Variants in CSMD3 observed in about 807,000 individuals in gnomAD.
CSMD3 encodes the protein CUB and sushi domain-containing protein 3.
A neutral mutation model predicts 435.2 loss-of-function variants in CSMD3; 177 were observed. The observed-to-expected ratio is 0.41, with a 90% confidence interval of 0.36 to 0.46. CSMD3 has a LOEUF of 0.46. Ranked by LOEUF, CSMD3 falls within the 20% of genes least tolerant of loss-of-function variation. The pLI is 0.34. For missense variants in CSMD3, 4,265 were observed against 4,504.6 expected, an observed-to-expected ratio of 0.95 and a Z score of 1.52; for synonymous variants, 1,656 against 1,520.5, an observed-to-expected ratio of 1.09 and a Z score of -2.07.
chr8:113,071,766 A>G (rs1012282026), intron 5 of CSMD3, among the ~76,000 whole-genome samples: 1 of 151,746 alleles, frequency 6.6e-6, no homozygotes, highest in African/African-American at 2.4e-5. Flanking sequence ...TTCTTGTTCA[A>G]ATTGCTTTCA....
chr8:112,844,181 C>A (rs1484109894), intron 11 of CSMD3, among the ~76,000 whole-genome samples: 1 of 152,020 alleles, frequency 6.6e-6, no homozygotes, highest in African/African-American at 2.4e-5. Flanking sequence ...AATTCATCTA[C>A]AATTTAATAT....
chr8:113,314,331 A>G (rs947157943), intron 2 of CSMD3: 1 of 486,984 alleles, frequency 2.1e-6, no homozygotes, highest in East Asian at 3.7e-5. Flanking sequence ...CACTATAAAG[A>G]GATCACCACT....
intron 10 of CSMD3, among the ~76,000 whole-genome samples, chr8:112,896,274 C>T (rs2081947628): frequency 6.6e-6 from 1 of 151,438 alleles, no homozygotes; most frequent in Non-Finnish European, 1.5e-5. Flanking sequence ...CCAGCATCAA[C>T]TCCAGGCCTG....
chr8:112,334,240 T>A (rs1281256387), intron 45 of CSMD3, among the ~76,000 whole-genome samples: 1 of 152,164 alleles, frequency 6.6e-6, no homozygotes, highest in Admixed American at 6.5e-5. Flanking sequence ...TTAGATACCA[T>A]CTAATTGGCT....
intron 9 of CSMD3, among the ~76,000 whole-genome samples, chr8:112,936,011 C>A (rs1438233255): frequency 6.6e-6 from 1 of 151,940 alleles, no homozygotes; most frequent in African/African-American, 2.4e-5. Context: ...ATGGGTAGAA[C>A]TTCTTGATGG....
intron 2 of CSMD3, among the ~76,000 whole-genome samples, chr8:113,302,294 A>ATATACTATTATATATATTATAT (rs1423825506): frequency 6.8e-5 from 1 of 14,640 alleles, no homozygotes; most frequent in Non-Finnish European, 9.3e-5. Context: ...TATATAATAT[A>ATATACTATTATATATATTATAT]ATATAATATA....
At chr8:112,826,311 G>A (rs973816045) in intron 12 of CSMD3, among the ~76,000 whole-genome samples, 1 of 152,122 alleles carries the variant, frequency 6.6e-6, no homozygotes, top group African/African-American at 2.4e-5. Flanking sequence ...CCCCCAAGAA[G>A]CTCAAATGAC....
At chr8:112,685,755 A>G (rs2131806608) in intron 14 of CSMD3, 23 bp from the exon 15 acceptor site, 1 of 1,344,370 alleles carries the variant, frequency 7.4e-7, no homozygotes, top group Non-Finnish European at 1.1e-6. Flanking sequence ...GAAGATTATG[A>G]AATACAATAA....
intron 10 of CSMD3, among the ~76,000 whole-genome samples, chr8:112,902,516 A>C (rs1430515870): frequency 6.6e-6 from 1 of 151,226 alleles, no homozygotes; most frequent in Non-Finnish European, 1.5e-5. Flanking sequence ...CAGTTCATAG[A>C]GATACTTCTA....
At chr8:113,281,586 GT>G (rs2093613247) in intron 2 of CSMD3, among the ~76,000 whole-genome samples, 1 of 151,784 alleles carries the variant, frequency 6.6e-6, no homozygotes, top group African/African-American at 2.4e-5. Flanking sequence ...GCAGCAGATA[GT>G]TGGTTGGTGA....
At chr8:112,372,892 C>A (rs2131189769) in intron 38 of CSMD3, among the ~76,000 whole-genome samples, 1 of 150,414 alleles carries the variant, frequency 6.6e-6, no homozygotes, top group East Asian at 2.0e-4. Context: ...AAAAATAAAT[C>A]AGCCTATCCG....
intron 53 of CSMD3, among the ~76,000 whole-genome samples, chr8:112,297,880 G>A (rs1254212858): frequency 6.6e-6 from 1 of 151,732 alleles, no homozygotes; most frequent in Non-Finnish European, 1.5e-5. Context: ...CAGCACTTTG[G>A]GAAGCTAAAG....
chr8:112,690,032 C>A lies in CSMD3; in HGVS notation c.1991G>T (p.Cys664Phe). 1 of 1,613,116 alleles carries A rather than the reference C, an allele frequency of 6.2e-7. No homozygotes were observed. Reference protein sequence around the residue: ...VNYKEIEKESCGDPGTPLYGI... With the variant: ...VNYKEIEKESFGDPGTPLYGI... ...ATATAAGGGTGTACCAGGATCACCA[C>A]AACTTTCTTTCTCAATTTCTGGAAA... The change falls in exon 14 of 71, where the codon TGT (cysteine) becomes TTT (phenylalanine). Residue 664 changes from cysteine (C) to phenylalanine (F), a missense_variant. Around this residue, in one of 3 missense-constraint regions of CSMD3, gnomAD observed 279 missense variants for 369.0 expected, o/e 0.76. Transcript: ENST00000297405.
chr8:113,077,530 C>T (rs1264766011), intron 5 of CSMD3, among the ~76,000 whole-genome samples: 1 of 151,994 alleles, frequency 6.6e-6, no homozygotes, highest in Admixed American at 6.6e-5. Flanking sequence ...GGCGAAACCC[C>T]ATCTCTACTA....
At chr8:113,380,712 A>T (rs951218787) in intron 1 of CSMD3, among the ~76,000 whole-genome samples, 1 of 152,214 alleles carries the variant, frequency 6.6e-6, no homozygotes, top group South Asian at 2.1e-4. Flanking sequence ...AAGCAAATAG[A>T]TATTTAAAGC....
At chr8:112,733,949 A>C (rs552989720) in intron 13 of CSMD3, among the ~76,000 whole-genome samples, 4 of 152,092 alleles carry the variant, frequency 2.6e-5, no homozygotes, top group African/African-American at 9.6e-5. Flanking sequence ...GAGAAAATGT[A>C]TGCAGTCTGG....
intron 3 of CSMD3, among the ~76,000 whole-genome samples, chr8:113,191,721 G>T (rs1467467671): frequency 1.3e-5 from 2 of 151,746 alleles, no homozygotes; most frequent in African/African-American, 4.8e-5. Context: ...CAATGAACAT[G>T]TGAGTGCATG....
chr8:113,224,087 AC>A lies in CSMD3; in HGVS notation c.515-50172del, dbSNP rs534914153. ...GACCAGATAGATGTCCTACAATTTC[AC>A]ACCTTCAAAGACCTACACAAAAATT... On this transcript the variant is annotated intron_variant, in intron 3 of 70. Coordinates refer to ENST00000297405, the MANE Select transcript of CSMD3 (RefSeq NM_198123.2). Among the ~76,000 whole-genome samples the A allele has an allele frequency of 3.5e-3, 533 of 151,018 alleles. 2 individuals are homozygous for A. Among genetic ancestry groups the A allele is most frequent in the African/African-American group, 0.012 (496 of 41,350 alleles).
At chr8:112,256,379 A>G (rs1379761327) in intron 61 of CSMD3, among the ~76,000 whole-genome samples, 1 of 152,100 alleles carries the variant, frequency 6.6e-6, no homozygotes, top group Non-Finnish European at 1.5e-5. Context: ...GTGGGAGAAG[A>G]TCTTAAATAA....
Sources: gnomAD v4.1 joint callset for allele counts (sites outside exome capture counted in the v4.1 genomes callset) on GRCh38, gnomAD v4.1.1 for gene constraint, gnomAD v4.1.1 regional missense constraint, MANE v1.5 for transcripts, NCBI Gene and HGNC (gene_info 2026-07-23, HGNC 2026-07-21) for gene names.